RNF180: variants seen among roughly 807,000 people sequenced by gnomAD.
The protein encoded by RNF180 is ring finger protein 180, also known as E3 ubiquitin-protein ligase RNF180.
RNF180 carries 38 observed loss-of-function variants against 59.2 expected under a neutral mutation model. That is an observed-to-expected ratio of 0.64 (90% CI 0.50 to 0.84). The LOEUF is 0.84. RNF180 is among the 40% of genes least tolerant of loss of function. The probability of loss-of-function intolerance (pLI) is 0.00; values close to 1 mark genes in which losing one functional copy is unlikely to be tolerated. For missense variants in RNF180, 705 were observed against 700.9 expected, an observed-to-expected ratio of 1.01 and a Z score of -0.07; for synonymous variants, 262 against 240.3, an observed-to-expected ratio of 1.09 and a Z score of -0.84.
In RNF180 at chr5:64,372,829, A is replaced by G. The variant is rs968866685; in HGVS notation, c.*3015A>G. The G allele has an allele frequency of 7.2e-5, 11 of 151,944 alleles. No homozygotes were observed. In the South Asian group the frequency reaches 8.3e-4, roughly 11 times the overall value. The allele number at this position is 151,944 out of a possible 1,614,324, so 9.4% of individuals were successfully genotyped here. A position where few individuals can be genotyped will look rare whatever the true frequency, so the allele number is the denominator to read the frequency against. On this transcript the variant is annotated 3_prime_UTR_variant, in exon 8 of 8. Transcript: ENST00000389100. ...TTCGAAGAACATTAAAGTTCTACCA[A>G]TGTAGAAGCATGAGGAATAAAAGAT...
chr5:64,182,605 G>A (rs1750659401), intron 1 of RNF180, among the ~76,000 whole-genome samples: 1 of 152,138 alleles, frequency 6.6e-6, no homozygotes, highest in African/African-American at 2.4e-5. Flanking sequence ...GAGTATTACT[G>A]AATTTCAGGG....
chr5:64,313,978 CTTTGCTAACTT>C (rs1743914647), intron 5 of RNF180, among the ~76,000 whole-genome samples: 1 of 152,042 alleles, frequency 6.6e-6, no homozygotes, highest in African/African-American at 2.4e-5. Context: ...TGTTCATGTC[CTTTGCTAACTT>C]TTTAATGGGG....
chr5:64,242,379 A>G (rs1742857912), intron 5 of RNF180, among the ~76,000 whole-genome samples: 1 of 152,234 alleles, frequency 6.6e-6, no homozygotes, highest in Non-Finnish European at 1.5e-5. Context: ...GGACAACATA[A>G]GGTGTCAGTG....
intron 7 of RNF180, among the ~76,000 whole-genome samples, chr5:64,342,836 A>T (rs1209958413): frequency 6.6e-6 from 1 of 152,190 alleles, no homozygotes. Flanking sequence ...TGAACTCCGT[A>T]GTGCTTTGGA....
intron 7 of RNF180, among the ~76,000 whole-genome samples, chr5:64,349,983 A>C (rs954286059): frequency 6.6e-6 from 1 of 152,136 alleles, no homozygotes; most frequent in African/African-American, 2.4e-5. Flanking sequence ...TCCTTGAGGA[A>C]TCACCACATT....
intron 5 of RNF180, among the ~76,000 whole-genome samples, chr5:64,291,520 G>A (rs548315136): frequency 6.8e-6 from 1 of 147,680 alleles, no homozygotes; most frequent in Non-Finnish European, 1.5e-5. Context: ...CGCCTGCCGG[G>A]TTCACACCAT....
chr5:64,232,494 C>T (rs908361291), intron 5 of RNF180, among the ~76,000 whole-genome samples: 1 of 152,154 alleles, frequency 6.6e-6, no homozygotes, highest in Non-Finnish European at 1.5e-5. Flanking sequence ...TATAAGCACG[C>T]TGGTTAATCC....
intron 5 of RNF180, among the ~76,000 whole-genome samples, chr5:64,302,250 A>C (rs6449707): frequency 6.6e-6 from 1 of 151,394 alleles, no homozygotes; most frequent in Non-Finnish European, 1.5e-5. Context: ...AAGCACACAA[A>C]AGTCGCTGGT....
At chr5:64,345,766 C>T (rs1394877234) in intron 7 of RNF180, among the ~76,000 whole-genome samples, 1 of 152,094 alleles carries the variant, frequency 6.6e-6, no homozygotes, top group Non-Finnish European at 1.5e-5. Flanking sequence ...TCTAATATAA[C>T]TCACATTACT....
At chr5:64,197,064 A>G (rs1188412019) in intron 1 of RNF180, among the ~76,000 whole-genome samples, 3 of 152,228 alleles carry the variant, frequency 2.0e-5, no homozygotes, top group Non-Finnish European at 4.4e-5. Flanking sequence ...GAGACCCACG[A>G]ATGTAGAATT....
At position 64,253,264 on chromosome 5, in the gene RNF180, A is replaced by G. The variant is rs144314389; in HGVS notation, c.1227+35868A>G. ...ATTCTATGAGTTTTTCTTAATTCCA[A>G]AAACTAAGGCATGTCAATGAAGTTT... On this transcript the variant is annotated intron_variant, in intron 5 of 7. Coordinates refer to ENST00000389100, the MANE Select transcript of RNF180 (RefSeq NM_001113561.2). Among the ~76,000 whole-genome samples the G allele has an allele frequency of 5.0e-3, 762 of 152,286 alleles. 7 individuals are homozygous for G. The highest frequency in any genetic ancestry group is 0.017 in the African/African-American group (719 of 41,572).
chr5:64,253,038 A>C (rs2112283366), intron 5 of RNF180, among the ~76,000 whole-genome samples: 1 of 152,230 alleles, frequency 6.6e-6, no homozygotes. Context: ...GAATCCTGAA[A>C]CTATTTACCA....
At chr5:64,192,911 A>G (rs879756520) in intron 1 of RNF180, among the ~76,000 whole-genome samples, 2,547 of 66,832 alleles carry the variant, frequency 0.038, 114 homozygotes, top group African/African-American at 0.074. Context: ...ATGTATATAT[A>G]TATATATATA....
chr5:64,192,903 GTATA>G (rs70983610), intron 1 of RNF180, among the ~76,000 whole-genome samples: 1,181 of 93,846 alleles, frequency 0.013, 22 homozygotes, highest in Non-Finnish European at 0.016. Flanking sequence ...AGTGTGGCAT[GTATA>G]TATATATATA....
At chr5:64,362,040 T>C (rs1435136700) in intron 7 of RNF180, among the ~76,000 whole-genome samples, 5 of 151,466 alleles carry the variant, frequency 3.3e-5, no homozygotes, top group Non-Finnish European at 7.4e-5. Flanking sequence ...AAAATTAATT[T>C]AATAAATTTA....
At chr5:64,169,365 A>G (rs1009517258) in intron 1 of RNF180, among the ~76,000 whole-genome samples, 1 of 152,210 alleles carries the variant, frequency 6.6e-6, no homozygotes, top group African/African-American at 2.4e-5. Context: ...TCAACATGTC[A>G]TTAATAGGTT....
rs139105304 is a variant in RNF180, at chr5:64,174,618, G to A, written c.-1+8665G>A. On this transcript the variant is annotated intron_variant, in intron 1 of 7. Transcript: ENST00000389100. The stretch of plus-strand genomic sequence containing the variant: ...GTTGGCCATTTATATGTCTTCTTTT[G>A]ACATCTATTCAGGTCTTTTGCCCAT... Among the ~76,000 whole-genome samples, 984 of 151,986 alleles carry A rather than the reference G, an allele frequency of 6.5e-3. 10 individuals are homozygous for A. The highest frequency in any genetic ancestry group is 0.011 in the Non-Finnish European group (751 of 67,972).
intron 4 of RNF180, among the ~76,000 whole-genome samples, chr5:64,215,838 G>T (rs367772083): frequency 6.6e-6 from 1 of 152,118 alleles, no homozygotes; most frequent in Non-Finnish European, 1.5e-5. Flanking sequence ...ACTTTGTACT[G>T]TAAATATATG....
At chr5:64,230,956 G>A (rs928124724) in intron 5 of RNF180, among the ~76,000 whole-genome samples, 1 of 152,138 alleles carries the variant, frequency 6.6e-6, no homozygotes, top group Non-Finnish European at 1.5e-5. Context: ...TGACATAAAT[G>A]ATCAGATTGG....
Sources: allele counts gnomAD v4.1 joint callset (sites outside exome capture counted in the v4.1 genomes callset), GRCh38; gene constraint gnomAD v4.1.1; transcripts MANE v1.5; gene names NCBI Gene and HGNC (gene_info 2026-07-23, HGNC 2026-07-21).